The following LIPA variants were observed in gnomAD, a reference collection of about 807,000 sequenced individuals.
The protein encoded by LIPA is lipase A, lysosomal acid type.
LIPA carries 26 observed loss-of-function variants against 40.6 expected under a neutral mutation model. That is an observed-to-expected ratio of 0.64 (90% CI 0.47 to 0.89). The LOEUF is 0.89. LIPA is among the 40% of genes least tolerant of loss of function. The pLI, the probability that LIPA is intolerant of heterozygous loss-of-function variation, is 0.00. For synonymous variants in LIPA, 188 were observed against 168.4 expected, an observed-to-expected ratio of 1.12 and a Z score of -0.90; for missense variants, 455 against 479.6, an observed-to-expected ratio of 0.95 and a Z score of 0.48.
chr10:89,368,278 A>C (rs544084141), intron 2 of LIPA, among the ~76,000 whole-genome samples: 6 of 152,350 alleles, frequency 3.9e-5, no homozygotes, highest in Non-Finnish European at 2.9e-5. Flanking sequence ...CAGTGATCCT[A>C]TTGTAAACTC....
At chr10:89,215,595 G>T (rs184507526) in intron 9 of LIPA, among the ~76,000 whole-genome samples, 1 of 152,330 alleles carries the variant, frequency 6.6e-6, no homozygotes, top group East Asian at 1.9e-4. Context: ...ATTAGTGCAG[G>T]GAAGAGGCTT....
intron 2 of LIPA, chr10:89,404,866 G>A (rs1844503893): frequency 1.3e-5 from 2 of 152,086 alleles, no homozygotes; most frequent in African/African-American, 2.4e-5. Context: ...GGAGGCTGAG[G>A]TGAGTGGACT....
chr10:89,315,723 C>T (rs531328639), intron 1 of LIPA, among the ~76,000 whole-genome samples: 1 of 152,132 alleles, frequency 6.6e-6, no homozygotes, highest in Admixed American at 6.5e-5. Flanking sequence ...TTATCCAGAG[C>T]TTGGAAAGCT....
rs923080931 is a variant in LIPA at position 89,403,781 on chromosome 10, GCTTA to G, written c.61+9006_61+9009del. The G allele has an allele frequency of 1.3e-5, 11 of 841,004 alleles. No homozygotes were observed. The African/African-American group carries it at 1.4e-4, about 10-fold the overall frequency. The allele number at this position is 841,004 out of a possible 1,614,324, so 52.1% of individuals were successfully genotyped here. A position where few individuals can be genotyped will look rare whatever the true frequency, so the allele number is the denominator to read the frequency against. On this transcript the variant is annotated intron_variant, in intron 2 of 8. Transcript: ENST00000371837. ...CTAACATTTACTAATCATCTTTTCT[GCTTA>G]CTGTTTTCAGAAACATTATAATTCA... is the stretch of plus-strand genomic sequence containing the variant.
At chr10:89,247,447 G>T in intron 2 of LIPA, 91 bp downstream of exon 2, 8 of 630,454 alleles carry the variant, frequency 1.3e-5, no homozygotes, top group East Asian at 3.6e-5. Flanking sequence ...GTTATAAAGA[G>T]ATGAATGTAT....
At chr10:89,392,652 G>A in intron 2 of LIPA, 4 of 1,595,966 alleles carry the variant, frequency 2.5e-6, no homozygotes, top group East Asian at 4.5e-5. Context: ...AGAATAGCCA[G>A]ATCTCAGAGG....
At chr10:89,231,668 A>T (rs1230536379) in intron 3 of LIPA, among the ~76,000 whole-genome samples, 1 of 152,106 alleles carries the variant, frequency 6.6e-6, no homozygotes, top group African/African-American at 2.4e-5. Flanking sequence ...CATAGAGATG[A>T]GGTCTTACTA....
At chr10:89,325,462 A>G (rs1009282036) in intron 1 of LIPA, among the ~76,000 whole-genome samples, 1 of 152,208 alleles carries the variant, frequency 6.6e-6, no homozygotes, top group Non-Finnish European at 1.5e-5. Flanking sequence ...CATGGACTCA[A>G]CCTAAATGCC....
intron 1 of LIPA, among the ~76,000 whole-genome samples, chr10:89,287,808 C>A (rs1347756036): frequency 6.6e-6 from 1 of 152,294 alleles, no homozygotes; most frequent in East Asian, 1.9e-4. Flanking sequence ...AAAAACCAGA[C>A]AGGTCTTACA....
intron 1 of LIPA, among the ~76,000 whole-genome samples, chr10:89,304,298 A>G (rs894864157): frequency 1.3e-5 from 2 of 151,378 alleles, no homozygotes; most frequent in Non-Finnish European, 2.9e-5. Context: ...TGGCTTGGTT[A>G]TCAGGCATCC....
At chr10:89,342,367 C>T (rs1843879855) in intron 1 of LIPA, 1 of 152,208 alleles carries the variant, frequency 6.6e-6, no homozygotes, top group African/African-American at 2.4e-5. Flanking sequence ...GACCTACTTG[C>T]TTCCTTACAA....
chr10:89,287,846 A>G (rs1188313983), intron 1 of LIPA, among the ~76,000 whole-genome samples: 3 of 152,126 alleles, frequency 2.0e-5, no homozygotes, highest in Non-Finnish European at 1.5e-5. Flanking sequence ...CACCTTATCA[A>G]CCAAATTGTT....
intron 1 of LIPA, among the ~76,000 whole-genome samples, chr10:89,248,437 ATT>A (rs777079454): frequency 0.41 from 54,862 of 132,864 alleles, 11,410 homozygotes; most frequent in South Asian, 0.53. Flanking sequence ...TATTATTATT[ATT>A]TTATATTTAT....
At chr10:89,222,417 G>A in intron 8 of LIPA, 94 bp downstream of exon 8, 1 of 817,456 alleles carries the variant, frequency 1.2e-6, no homozygotes, top group South Asian at 1.4e-5. Context: ...AGATTTGTAA[G>A]CAGGTTGTCT....
intron 1 of LIPA, among the ~76,000 whole-genome samples, chr10:89,297,164 AG>A (rs1209892927): frequency 6.6e-6 from 1 of 152,226 alleles, no homozygotes; most frequent in Non-Finnish European, 1.5e-5. Context: ...AGGATAACAG[AG>A]GGCCTTGGCA....
chr10:89,341,176 T>C (rs1462074251), intron 1 of LIPA, among the ~76,000 whole-genome samples: 2 of 152,190 alleles, frequency 1.3e-5, no homozygotes, highest in Non-Finnish European at 2.9e-5. Context: ...CTTTCCAGCC[T>C]AGGAGCCCCA....
chr10:89,392,782 T>C, intron 2 of LIPA: 1 of 1,516,862 alleles, frequency 6.6e-7, no homozygotes, highest in Non-Finnish European at 9.2e-7. Context: ...AATTAAATAC[T>C]ATTTCAACAG....
chr10:89,376,619 G>A (rs1844123844), intron 2 of LIPA, among the ~76,000 whole-genome samples: 1 of 152,222 alleles, frequency 6.6e-6, no homozygotes, highest in African/African-American at 2.4e-5. Context: ...AGGCCACTCT[G>A]TAATCAGGTC....
chr10:89,328,784 T>A (rs2133538510), intron 1 of LIPA, among the ~76,000 whole-genome samples: 1 of 152,352 alleles, frequency 6.6e-6, no homozygotes, highest in African/African-American at 2.4e-5. Context: ...TGACCTAATC[T>A]ATTATCTAAA....
Sources: gnomAD v4.1 joint callset for allele counts (sites outside exome capture counted in the v4.1 genomes callset) on GRCh38, gnomAD v4.1.1 for gene constraint, MANE v1.5 for transcripts, NCBI Gene and HGNC (gene_info 2026-07-23, HGNC 2026-07-21) for gene names.